Variants in KATNIP observed in about 807,000 individuals in gnomAD.
KATNIP encodes the protein katanin-interacting protein.
Under a neutral mutation model 174.0 loss-of-function variants are expected in KATNIP, and 126 were observed. The ratio of observed to expected loss-of-function variants is 0.72; its 90% CI spans 0.63 to 0.84. The LOEUF (loss-of-function observed/expected upper bound fraction) is 0.84, where lower values mean the gene tolerates loss of function less well. Ranked by LOEUF, KATNIP falls within the 40% of genes least tolerant of loss-of-function variation. KATNIP has a pLI of 0.00. For missense variants in KATNIP, 1,958 were observed against 2,109.7 expected (o/e 0.93, Z 1.41); for synonymous variants, 810 against 835.7 (o/e 0.97, Z 0.53).
intron 2 of KATNIP, among the ~76,000 whole-genome samples, chr16:27,578,315 A>G (rs2141752357): frequency 6.6e-6 from 1 of 152,290 alleles, no homozygotes; most frequent in East Asian, 1.9e-4. Flanking sequence ...CCTAGGCGAC[A>G]GAGTGAGACT....
At chr16:27,552,755 C>T (rs944179994) in intron 1 of KATNIP, among the ~76,000 whole-genome samples, 4 of 140,754 alleles carry the variant, frequency 2.8e-5, no homozygotes, top group African/African-American at 1.1e-4. Flanking sequence ...AGTGCAATGG[C>T]CTGATCTCGG....
At chr16:27,619,266 C>T (rs2076129459) in intron 3 of KATNIP, among the ~76,000 whole-genome samples, 1 of 152,308 alleles carries the variant, frequency 6.6e-6, no homozygotes, top group African/African-American at 2.4e-5. Flanking sequence ...TGTGAGACCA[C>T]AGTTCCCCCA....
chr16:27,648,806 C>T (rs755884002), intron 6 of KATNIP, 71 bp downstream of exon 6: 112 of 1,521,080 alleles, frequency 7.4e-5, no homozygotes, highest in Admixed American at 2.2e-4. Flanking sequence ...AGTGGCCCCT[C>T]GGGGCACTTT....
At position 27,648,623 on chromosome 16, in the gene KATNIP, C is replaced by T. The variant is rs368480827; in HGVS notation, c.428C>T (p.Thr143Ile). ...GTACAGAAATCTGTGCAGATCAGAA[C>T]AGAAGCTGGCCCACGGCTCCACATC... ...GWHQKSVQIR[T>I]EAGPRLHIEP... Residue 143 changes from threonine to isoleucine, a missense_variant, in exon 6 of 28, where the codon ACA (threonine) becomes ATA (isoleucine). Around this residue, in one of 3 missense-constraint regions of KATNIP, gnomAD observed 1,557 missense variants for 1,617.8 expected, o/e 0.96. Transcript: ENST00000261588. 3 of 1,614,186 alleles carry T rather than the reference C, an allele frequency of 1.9e-6. No homozygotes were observed. Among genetic ancestry groups the T allele is most frequent in the Non-Finnish European group, 2.5e-6 (3 of 1,180,020 alleles).
At chr16:27,573,045 T>C (rs933712963) in intron 1 of KATNIP, among the ~76,000 whole-genome samples, 1 of 152,228 alleles carries the variant, frequency 6.6e-6, no homozygotes, top group Non-Finnish European at 1.5e-5. Flanking sequence ...TCTCTGAGAC[T>C]CAGTCCCCGT....
intron 5 of KATNIP, among the ~76,000 whole-genome samples, chr16:27,648,069 T>C (rs114041069): frequency 0.022 from 3,329 of 151,694 alleles, 135 homozygotes; most frequent in African/African-American, 0.077. Context: ...ACGAGGTGGG[T>C]GAATCACTTG....
At chr16:27,766,135 G>T (rs947534112) in intron 19 of KATNIP, among the ~76,000 whole-genome samples, 174 bp from the exon 20 acceptor site, 8 of 151,070 alleles carry the variant, frequency 5.3e-5, no homozygotes, top group Non-Finnish European at 1.0e-4. Context: ...ATAGATGAGA[G>T]ACGACTTCTG....
chr16:27,572,069 TAC>T (rs1162943158), intron 1 of KATNIP, among the ~76,000 whole-genome samples: 37 of 151,802 alleles, frequency 2.4e-4, no homozygotes, highest in African/African-American at 8.9e-4. Context: ...GAGCAGAAAT[TAC>T]AGAGAGCTCC....
In KATNIP at chr16:27,576,499, G is replaced by A. The variant is rs183241058; in HGVS notation, c.63+2543G>A. ...TAAATAATTAAATAAATAAAGGCTTGGCGAAGTGGCTCCTGCCTATAATCC... is the reference window on the plus strand; with the variant it reads ...TAAATAATTAAATAAATAAAGGCTTAGCGAAGTGGCTCCTGCCTATAATCC... On this transcript the variant is annotated intron_variant, in intron 2 of 27. Transcript: ENST00000261588. 1.8e-4 allele frequency among the ~76,000 whole-genome samples: 28 copies of A among 152,148 alleles called. 1 individual carries two copies. Among genetic ancestry groups the A allele is most frequent in the African/African-American group, 6.7e-4 (28 of 41,530 alleles).
At chr16:27,602,878 C>A (rs2075577765) in intron 2 of KATNIP, among the ~76,000 whole-genome samples, 1 of 152,098 alleles carries the variant, frequency 6.6e-6, no homozygotes, top group South Asian at 2.1e-4. Context: ...TTTGTATTTT[C>A]AGTAGAAACA....
At chr16:27,554,789 CTTTTT>C (rs563621813) in intron 1 of KATNIP, among the ~76,000 whole-genome samples, 1 of 77,804 alleles carries the variant, frequency 1.3e-5, no homozygotes, top group Non-Finnish European at 2.4e-5. Context: ...TTGATTTACA[CTTTTT>C]TTTTTTTTTT....
chr16:27,575,681 C>T (rs150247695), intron 2 of KATNIP, among the ~76,000 whole-genome samples: 1,976 of 152,320 alleles, frequency 0.013, 22 homozygotes, highest in Middle Eastern at 0.068. Context: ...GAACTGCACT[C>T]AGCGTCGTGT....
At chr16:27,751,097 A>G (rs1321561847) in intron 16 of KATNIP, among the ~76,000 whole-genome samples, 1 of 152,072 alleles carries the variant, frequency 6.6e-6, no homozygotes, top group Non-Finnish European at 1.5e-5. Flanking sequence ...AGCATCTCCC[A>G]TAAAGCACCT....
chr16:27,651,386 A>G (rs1373132141), intron 6 of KATNIP, among the ~76,000 whole-genome samples: 1 of 152,070 alleles, frequency 6.6e-6, no homozygotes, highest in East Asian at 1.9e-4. Flanking sequence ...TGGCAATGCC[A>G]GTTTTCAGCA....
intron 12 of KATNIP, among the ~76,000 whole-genome samples, chr16:27,707,843 T>A (rs1328952235): frequency 6.6e-6 from 1 of 152,226 alleles, no homozygotes; most frequent in Non-Finnish European, 1.5e-5. Context: ...TCTCTCTGTG[T>A]GTCCAACTTT....
chr16:27,582,197 G>T (rs1319998656), intron 2 of KATNIP, among the ~76,000 whole-genome samples: 1 of 152,086 alleles, frequency 6.6e-6, no homozygotes, highest in Non-Finnish European at 1.5e-5. Flanking sequence ...TCTCCATTCA[G>T]TTCTCCGTGT....
At chr16:27,720,675 C>A (rs1205665087) in intron 13 of KATNIP, among the ~76,000 whole-genome samples, 1 of 151,846 alleles carries the variant, frequency 6.6e-6, no homozygotes. Context: ...TTGGGGACTG[C>A]AAGTAGCTGA....
chr16:27,698,814 A>G (rs966138068), intron 9 of KATNIP, among the ~76,000 whole-genome samples: 2 of 152,248 alleles, frequency 1.3e-5, no homozygotes, highest in African/African-American at 4.8e-5. Flanking sequence ...GGGTCAGTGA[A>G]GAATGGAGTC....
intron 6 of KATNIP, among the ~76,000 whole-genome samples, chr16:27,657,592 AAAAAC>A (rs563570772): frequency 0.01 from 1,544 of 152,042 alleles, 31 homozygotes; most frequent in African/African-American, 0.033. Flanking sequence ...TTAAAAAACA[AAAAAC>A]AAAACAAAAC....
Sources: allele counts gnomAD v4.1 joint callset (sites outside exome capture counted in the v4.1 genomes callset), GRCh38; gene constraint gnomAD v4.1.1; regional missense constraint gnomAD v4.1.1; transcripts MANE v1.5; gene names NCBI Gene and HGNC (gene_info 2026-07-23, HGNC 2026-07-21).